VAV1: variants seen among roughly 807,000 people sequenced by gnomAD.
VAV1 encodes proto-oncogene vav.
In VAV1, 33 loss-of-function variants were observed where a neutral mutation model predicts 128.1. The observed-to-expected ratio is 0.26, with a 90% confidence interval of 0.20 to 0.34. VAV1 has a LOEUF of 0.34. Among genes scored for constraint, VAV1 ranks in the 10% least tolerant of loss-of-function variants. The probability of loss-of-function intolerance (pLI) is 1.00; values close to 1 mark genes in which losing one functional copy is unlikely to be tolerated. For missense variants in VAV1, 715 were observed against 1,093.7 expected (o/e 0.65, Z 4.88); for synonymous variants, 394 against 409.8 (o/e 0.96, Z 0.47).
At chr19:6,788,014 T>G (rs1970932891) in intron 1 of VAV1, among the ~76,000 whole-genome samples, 2 of 151,752 alleles carry the variant, frequency 1.3e-5, no homozygotes, top group South Asian at 4.2e-4. Context: ...GAGGTGGAGC[T>G]GGCAGTGAGC....
In VAV1 at chr19:6,788,348, ATT is replaced by A. The variant is rs1467716808; in HGVS notation, c.204+15340_204+15341del. 1.1e-4 allele frequency among the ~76,000 whole-genome samples: 11 copies of A among 99,564 alleles called. No individual in the cohort carries two copies. The South Asian group carries it at 2.5e-3, about 22-fold the overall frequency. 65.3% of individuals were successfully genotyped at this position (99,564 alleles called of 152,430 possible). On this transcript the variant is annotated intron_variant, in intron 1 of 26. Transcript: ENST00000602142. ...TCCTTCGTTGAACATGATTCTTTTT[ATT>A]TTATTATTATTATTATTATTATTAT...
rs750420989 is a variant in VAV1, at chr19:6,828,503, G to A, written c.1092+16G>A. On this transcript the variant is annotated intron_variant, in intron 11 of 26. Transcript: ENST00000602142. The surrounding 1 kb of genome is among the most constrained non-coding windows in gnomAD (Gnocchi z 4.5). ...TGCCATGAGGGTGAGTGGGTGTAGG[G>A]TGCTGGTGACTCACCTGCTGCAGAC... 5 of 1,613,998 alleles carry A rather than the reference G, an allele frequency of 3.1e-6. No homozygotes were observed. Among genetic ancestry groups the A allele is most frequent in the African/African-American group, 1.3e-5 (1 of 74,908 alleles).
intron 1 of VAV1, among the ~76,000 whole-genome samples, chr19:6,817,976 ACG>A (rs1971695472): frequency 6.6e-6 from 1 of 152,050 alleles, no homozygotes; most frequent in Admixed American, 6.6e-5. Context: ...ATGAGCCACC[ACG>A]CCCAGCCTTA....
At chr19:6,816,953 G>T (rs1358544272) in intron 1 of VAV1, among the ~76,000 whole-genome samples, 1 of 151,934 alleles carries the variant, frequency 6.6e-6, no homozygotes, top group Non-Finnish European at 1.5e-5. Flanking sequence ...GACAGAGCAA[G>T]ACTCCATCTC....
chr19:6,795,442 G>A (rs2144720637), intron 1 of VAV1, among the ~76,000 whole-genome samples: 1 of 151,944 alleles, frequency 6.6e-6, no homozygotes, highest in South Asian at 2.1e-4. Flanking sequence ...TAATGCACAC[G>A]AATTGCTTCA....
At chr19:6,788,263 A>G (rs977658365) in intron 1 of VAV1, among the ~76,000 whole-genome samples, 17 of 152,078 alleles carry the variant, frequency 1.1e-4, no homozygotes, top group African/African-American at 4.1e-4. Context: ...CATCACTCTG[A>G]GTTCGATGGA....
intron 21 of VAV1, among the ~76,000 whole-genome samples, chr19:6,840,384 C>T (rs778062725): frequency 6.6e-6 from 1 of 150,706 alleles, no homozygotes; most frequent in Non-Finnish European, 1.5e-5. Context: ...TGGCTCACTG[C>T]AAGCTCCACT....
chr19:6,823,541 C>T lies in VAV1; in HGVS notation c.654+1027C>T, dbSNP rs973898784. On this transcript the variant is annotated intron_variant, in intron 6 of 26. Transcript: ENST00000602142. The stretch of plus-strand genomic sequence containing the variant: ...TATATATATTTTTTGTTATGTTAAC[C>T]AGGCTGGTCTTAAACTCCTGGGCTC... Among the ~76,000 whole-genome samples, 7 of 151,408 alleles carry T rather than the reference C, an allele frequency of 4.6e-5. No individual in the cohort carries two copies. The South Asian group carries it at 8.3e-4, about 18-fold the overall frequency.
intron 1 of VAV1, among the ~76,000 whole-genome samples, chr19:6,796,101 C>T (rs1034395276): frequency 6.6e-6 from 1 of 152,184 alleles, no homozygotes; most frequent in Non-Finnish European, 1.5e-5. Flanking sequence ...CCCTGGTGAT[C>T]TAATCACCTC....
intron 15 of VAV1, among the ~76,000 whole-genome samples, chr19:6,832,599 T>C (rs1255205379): frequency 1.9e-5 from 2 of 103,818 alleles, no homozygotes; most frequent in East Asian, 3.8e-4. Flanking sequence ...CCTCTTCCTC[T>C]TCCTCCTATT....
chr19:6,841,593 GC>G (rs1192205300), intron 21 of VAV1, among the ~76,000 whole-genome samples: 1 of 151,280 alleles, frequency 6.6e-6, no homozygotes, highest in Non-Finnish European at 1.5e-5. Flanking sequence ...TCCTGCCTCA[GC>G]CTTCCAAATA....
In VAV1 at chr19:6,777,415, A is replaced by G. The variant is rs1233836660; in HGVS notation, c.204+4404A>G. 6.6e-6 allele frequency among the ~76,000 whole-genome samples: 1 copy of G among 152,196 alleles called. No homozygotes were observed. On this transcript the variant is annotated intron_variant, in intron 1 of 26. Coordinates refer to ENST00000602142, the MANE Select transcript of VAV1 (RefSeq NM_005428.4). The surrounding 1 kb of genome is among the most constrained non-coding windows in gnomAD (Gnocchi z 4.4). ...GGGAGGCTGACAGTGAAGAAATAAG[A>G]CAATGTATAAGTCATCAGGAGGTGG...
intron 1 of VAV1, among the ~76,000 whole-genome samples, chr19:6,791,744 A>G (rs1481654078): frequency 6.6e-6 from 1 of 152,172 alleles, no homozygotes; most frequent in African/African-American, 2.4e-5. Flanking sequence ...CACAGATGAA[A>G]CAAACCCAGG....
intron 4 of VAV1, 43 bp downstream of exon 4, chr19:6,821,902 G>A (rs372604831): frequency 3.6e-5 from 58 of 1,612,148 alleles, no homozygotes; most frequent in South Asian, 2.3e-4. Flanking sequence ...CTGGAGCACC[G>A]TCCTGGGGGT....
At position 6,772,771 on chromosome 19, in the gene VAV1, G is replaced by C. The variant is rs1203265143; in HGVS notation, c.-37G>C. 1.3e-6 allele frequency: 2 copies of C among 1,598,268 alleles called. No individual in the cohort carries two copies. Among genetic ancestry groups the C allele is most frequent in the Non-Finnish European group, 8.5e-7 (1 of 1,172,744 alleles). On this transcript the variant is annotated 5_prime_UTR_variant, in exon 1 of 27. Coordinates refer to ENST00000602142, the MANE Select transcript of VAV1 (RefSeq NM_005428.4). The surrounding 1 kb of genome is among the most constrained non-coding windows in gnomAD (Gnocchi z 4.8). The stretch of plus-strand genomic sequence containing the variant: ...TGCGGGCGGGTGGGTGGTGGAGGCT[G>C]CGAGGGTGCACGGCCGGCCCTGGGC...
intron 26 of VAV1, among the ~76,000 whole-genome samples, chr19:6,854,893 C>T (rs1008862248): frequency 2.1e-4 from 32 of 152,162 alleles, no homozygotes; most frequent in Admixed American, 1.7e-3. Flanking sequence ...TGGGGGAAAG[C>T]ATTCCAGACA....
intron 22 of VAV1, among the ~76,000 whole-genome samples, chr19:6,845,257 C>T (rs1284760802): frequency 6.6e-6 from 1 of 151,992 alleles, no homozygotes; most frequent in Non-Finnish European, 1.5e-5. Flanking sequence ...TGGTGGCGCA[C>T]GCCTGTAGTC....
intron 16 of VAV1, 42 bp downstream of exon 16, chr19:6,833,327 A>G (rs1051041446): frequency 1.3e-6 from 2 of 1,571,342 alleles, no homozygotes; most frequent in Middle Eastern, 1.7e-4. Flanking sequence ...GGACTTGGTC[A>G]TCAGTTCCTT....
At position 6,828,457 on chromosome 19, in the gene VAV1, G is replaced by A; in HGVS notation, c.1062G>A (p.Glu354=). 1.9e-6 allele frequency: 3 copies of A among 1,614,184 alleles called. No individual in the cohort carries two copies. Among genetic ancestry groups the A allele is most frequent in the Non-Finnish European group, 2.5e-6 (3 of 1,180,022 alleles). The change falls in exon 11 of 27, where the codon GAG becomes GAA. Residue 354 remains glutamate (E), a synonymous_variant. Transcript: ENST00000602142. The surrounding 1 kb of genome is among the most constrained non-coding windows in gnomAD (Gnocchi z 4.5). The part of the protein sequence containing the change: ...VKHTQEAMEK[E]NLRLALDAMR... ...ACACGCAGGAGGCGATGGAGAAGGA[G>A]AACCTGCGGCTGGCCCTGGATGCCA...
Sources: allele counts gnomAD v4.1 joint callset (sites outside exome capture counted in the v4.1 genomes callset), GRCh38; gene constraint gnomAD v4.1.1; non-coding constraint Gnocchi (gnomAD v3.1); transcripts MANE v1.5; gene names NCBI Gene and HGNC (gene_info 2026-07-23, HGNC 2026-07-21).